The following PLBD1 variants were observed in gnomAD, a reference collection of about 807,000 sequenced individuals.
PLBD1 encodes lysosomal leucine aminopeptidase.
In PLBD1, 60 loss-of-function variants were observed where a neutral mutation model predicts 63.0. The ratio of observed to expected loss-of-function variants is 0.95; its 90% CI spans 0.77 to 1.18. PLBD1 has a LOEUF of 1.18. Among genes scored for constraint, PLBD1 ranks in the 50% most tolerant of loss-of-function variants. The probability of loss-of-function intolerance (pLI) is 0.00; values close to 1 mark genes in which losing one functional copy is unlikely to be tolerated. For synonymous variants in PLBD1, 262 were observed against 248.0 expected, an observed-to-expected ratio of 1.06 and a Z score of -0.53; for missense variants, 598 against 677.9, an observed-to-expected ratio of 0.88 and a Z score of 1.31.
chr12:14,555,642 T>A (rs150254970), intron 1 of PLBD1, among the ~76,000 whole-genome samples: 1 of 152,318 alleles, frequency 6.6e-6, no homozygotes, highest in African/African-American at 2.4e-5. Context: ...CACACGCACA[T>A]TCGATGATCC....
chr12:14,553,096 G>C lies in PLBD1; in HGVS notation c.335+97C>G, dbSNP rs1945672695. 2.7e-6 allele frequency: 3 copies of C among 1,114,286 alleles called. No homozygotes were observed. In the African/African-American group the frequency reaches 4.7e-5, roughly 17 times the overall value. 69.0% of individuals were successfully genotyped at this position (1,114,286 alleles called of 1,614,324 possible). The stretch of plus-strand genomic sequence containing the variant: ...ACATGTGAACTCCAGCTACTCTTCA[G>C]TTCTAATGTGCAATGCCAGGAAGAT... On this transcript the variant is annotated intron_variant, in intron 2 of 10. Coordinates refer to ENST00000240617, the MANE Select transcript of PLBD1 (RefSeq NM_024829.6).
At chr12:14,536,753 G>C (rs1401531240) in intron 4 of PLBD1, 43 bp from the exon 5 acceptor site, 1 of 1,603,198 alleles carries the variant, frequency 6.2e-7, no homozygotes, top group Middle Eastern at 1.8e-4. Context: ...TTTTGTGACA[G>C]ACATCATTTC....
chr12:14,557,795 T>C (rs1011896801), intron 1 of PLBD1, among the ~76,000 whole-genome samples: 2 of 152,086 alleles, frequency 1.3e-5, no homozygotes, highest in Non-Finnish European at 2.9e-5. Flanking sequence ...CATTTACCTA[T>C]ACAGTAAACC....
chr12:14,562,660 T>C (rs929776698), intron 1 of PLBD1, among the ~76,000 whole-genome samples: 2 of 152,186 alleles, frequency 1.3e-5, no homozygotes, highest in Admixed American at 6.5e-5. Context: ...ATTTTCAAGC[T>C]GGATGTTCGA....
At chr12:14,532,639 G>A (rs1945475287) in intron 6 of PLBD1, among the ~76,000 whole-genome samples, 1 of 152,170 alleles carries the variant, frequency 6.6e-6, no homozygotes, top group Non-Finnish European at 1.5e-5. Context: ...AGCTCCTTAG[G>A]GCATCTTGTT....
rs1050535684 is a variant in PLBD1, at chr12:14,523,223, A to C, written c.845-11512T>G. 4.2e-4 allele frequency among the ~76,000 whole-genome samples: 64 copies of C among 152,104 alleles called. 1 individual carries two copies. Among genetic ancestry groups the C allele is most frequent in the African/African-American group, 1.4e-3 (60 of 41,422 alleles). On this transcript the variant is annotated intron_variant, in intron 6 of 10. Transcript: ENST00000240617. Reference sequence around the variant, plus strand: ...TTCTATATGACAATAGCAGACAATCAGAAAAAAATAAGAAGGCAATTCCAT... The same window carrying C: ...TTCTATATGACAATAGCAGACAATCCGAAAAAAATAAGAAGGCAATTCCAT...
At chr12:14,554,864 A>G (rs559636228) in intron 1 of PLBD1, among the ~76,000 whole-genome samples, 2 of 151,972 alleles carry the variant, frequency 1.3e-5, no homozygotes, top group East Asian at 3.9e-4. Context: ...TTTATCTTCA[A>G]TACCCCACAG....
intron 2 of PLBD1, among the ~76,000 whole-genome samples, chr12:14,551,833 C>G (rs1435164519): frequency 6.6e-6 from 1 of 152,128 alleles, no homozygotes; most frequent in Non-Finnish European, 1.5e-5. Flanking sequence ...AATCAGAATT[C>G]AGTGCGAACA....
At chr12:14,531,092 A>T (rs1199584484) in intron 6 of PLBD1, 1 of 152,192 alleles carries the variant, frequency 6.6e-6, no homozygotes, top group Non-Finnish European at 1.5e-5. Flanking sequence ...TTAAAAATTC[A>T]TCAGTACATG....
At chr12:14,567,097 C>T (rs1240507755) in intron 1 of PLBD1, among the ~76,000 whole-genome samples, 4 of 152,056 alleles carry the variant, frequency 2.6e-5, no homozygotes, top group African/African-American at 9.7e-5. Context: ...TCTGTCTCAA[C>T]AACAACAACA....
At chr12:14,558,091 A>G (rs1808119066) in intron 1 of PLBD1, among the ~76,000 whole-genome samples, 1 of 151,794 alleles carries the variant, frequency 6.6e-6, no homozygotes. Context: ...ATATGCACTA[A>G]AAGTAGAGTC....
chr12:14,540,623 G>T, intron 4 of PLBD1, 141 bp downstream of exon 4: 1 of 900,956 alleles, frequency 1.1e-6, no homozygotes, highest in Non-Finnish European at 1.6e-6. Flanking sequence ...CAATATGAGA[G>T]CTATGACAGT....
chr12:14,564,442 G>T (rs188696974), intron 1 of PLBD1, among the ~76,000 whole-genome samples: 5 of 152,344 alleles, frequency 3.3e-5, no homozygotes, highest in Non-Finnish European at 7.3e-5. Context: ...GCACCATGCA[G>T]TGGAGGGGCA....
At chr12:14,563,396 G>A (rs565123114) in intron 1 of PLBD1, among the ~76,000 whole-genome samples, 1 of 152,172 alleles carries the variant, frequency 6.6e-6, no homozygotes, top group Non-Finnish European at 1.5e-5. Flanking sequence ...GTGCATGCCT[G>A]TATCCCAGTT....
At chr12:14,542,521 A>G (rs994312504) in intron 2 of PLBD1, among the ~76,000 whole-genome samples, 1 of 152,014 alleles carries the variant, frequency 6.6e-6, no homozygotes, top group African/African-American at 2.4e-5. Flanking sequence ...AACTTTATTA[A>G]GTTATTATAT....
At chr12:14,555,151 T>C (rs1311735092) in intron 1 of PLBD1, among the ~76,000 whole-genome samples, 1 of 152,228 alleles carries the variant, frequency 6.6e-6, no homozygotes, top group Non-Finnish European at 1.5e-5. Context: ...TGACCTTTAA[T>C]CCATTCTTCG....
chr12:14,564,537 C>T (rs1410406572), intron 1 of PLBD1, among the ~76,000 whole-genome samples: 4 of 152,196 alleles, frequency 2.6e-5, no homozygotes, highest in Admixed American at 6.5e-5. Flanking sequence ...ATGTTATCTA[C>T]CCCCATGTGG....
chr12:14,529,698 C>A (rs1945444277), intron 6 of PLBD1, among the ~76,000 whole-genome samples: 1 of 152,108 alleles, frequency 6.6e-6, no homozygotes, highest in African/African-American at 2.4e-5. Context: ...ATACTTTTCA[C>A]CCTAGGTCAG....
chr12:14,536,894 G>T (rs1237598925), intron 4 of PLBD1, among the ~76,000 whole-genome samples, 184 bp from the exon 5 acceptor site: 2 of 152,066 alleles, frequency 1.3e-5, no homozygotes, highest in Non-Finnish European at 2.9e-5. Flanking sequence ...TTTGAGACCA[G>T]CCTGGCCAAC....
Sources: allele counts gnomAD v4.1 joint callset (sites outside exome capture counted in the v4.1 genomes callset), GRCh38; gene constraint gnomAD v4.1.1; transcripts MANE v1.5; gene names NCBI Gene and HGNC (gene_info 2026-07-23, HGNC 2026-07-21).